DDI2: variants seen among roughly 807,000 people sequenced by gnomAD.
The protein encoded by DDI2 is protein DDI1 homolog 2.
A neutral mutation model predicts 48.1 loss-of-function variants in DDI2; 5 were observed. The ratio of observed to expected loss-of-function variants is 0.10; its 90% CI spans 0.05 to 0.22. The LOEUF (loss-of-function observed/expected upper bound fraction) is 0.22, where lower values mean the gene tolerates loss of function less well. Ranked by LOEUF, DDI2 falls within the 10% of genes least tolerant of loss-of-function variation. The pLI is 1.00. For synonymous variants in DDI2, 205 were observed against 183.6 expected (o/e 1.12, Z -0.94); for missense variants, 285 against 506.2 (o/e 0.56, Z 4.19).
At chr1:15,650,238 G>A (rs1238739519) in intron 7 of DDI2, among the ~76,000 whole-genome samples, 1 of 152,202 alleles carries the variant, frequency 6.6e-6, no homozygotes, top group Admixed American at 6.5e-5. Context: ...TATGTTGGGA[G>A]TGAAAGTGTT....
chr1:15,656,034 T>TA (rs1176641834), intron 8 of DDI2, among the ~76,000 whole-genome samples: 1 of 152,200 alleles, frequency 6.6e-6, no homozygotes, highest in African/African-American at 2.4e-5. Flanking sequence ...AGGGATGGTG[T>TA]CTCACTATGT....
chr1:15,669,032 T>G lies in DDI2; in HGVS notation c.*9242T>G, dbSNP rs1486959640. The G allele has an allele frequency of 2.0e-5, 3 of 152,220 alleles. No individual in the cohort carries two copies. Among genetic ancestry groups the G allele is most frequent in the Non-Finnish European group, 4.4e-5 (3 of 68,036 alleles). 9.4% of individuals were successfully genotyped at this position (152,220 alleles called of 1,614,324 possible). A position where few individuals can be genotyped will look rare whatever the true frequency, so the allele number is the denominator to read the frequency against. ...CATTTGATATTTAAGACAATAAAGT[T>G]TTTATCATAAGACTTCTGTTTGATC... On this transcript the variant is annotated 3_prime_UTR_variant, in exon 10 of 10. Transcript: ENST00000480945.
In DDI2 at chr1:15,622,585, G is replaced by T. The variant is rs1218330993; in HGVS notation, c.139-4084G>T. Among the ~76,000 whole-genome samples the T allele has an allele frequency of 2.0e-5, 3 of 152,186 alleles. No homozygotes were observed. The South Asian group carries it at 6.2e-4, about 32-fold the overall frequency. ...TTTCTTGTTGTATGTTCTTATAACT[G>T]GCAAAACTTGAATTTTGGGCTTTGT... On this transcript the variant is annotated intron_variant, in intron 1 of 9. Transcript: ENST00000480945.
At chr1:15,652,932 G>A (rs1434662340) in intron 8 of DDI2, among the ~76,000 whole-genome samples, 2 of 152,164 alleles carry the variant, frequency 1.3e-5, no homozygotes, top group African/African-American at 4.8e-5. Flanking sequence ...TTGAACTTGG[G>A]AGGCGGAGGT....
At chr1:15,635,456 A>G (rs1639913217) in intron 4 of DDI2, among the ~76,000 whole-genome samples, 1 of 152,172 alleles carries the variant, frequency 6.6e-6, no homozygotes, top group South Asian at 2.1e-4. Context: ...CCCAGGCCTG[A>G]GTTCAGTGGC....
intron 3 of DDI2, among the ~76,000 whole-genome samples, chr1:15,631,092 C>T (rs1372797042): frequency 6.6e-6 from 1 of 152,180 alleles, no homozygotes; most frequent in Non-Finnish European, 1.5e-5. Flanking sequence ...ATCCGCCTGC[C>T]TCGGCCTCCC....
rs533338863 is a variant in DDI2, at chr1:15,640,877, G to C, written c.760+2443G>C. Among the ~76,000 whole-genome samples, 11 of 152,268 alleles carry C rather than the reference G, an allele frequency of 7.2e-5. No individual in the cohort carries two copies. In the East Asian group the frequency reaches 1.9e-3, roughly 27 times the overall value. On this transcript the variant is annotated intron_variant, in intron 5 of 9. Coordinates refer to ENST00000480945, the MANE Select transcript of DDI2 (RefSeq NM_032341.5). ...GTGAGAGGCGAGGTCATTGCAAAAG[G>C]GCAGTCAGTTAGGGAGGAAGTGGGT...
rs1557626832 is a variant in DDI2 at position 15,662,012 on chromosome 1, A to G, written c.*2222A>G. On this transcript the variant is annotated 3_prime_UTR_variant, in exon 10 of 10. Coordinates refer to ENST00000480945, the MANE Select transcript of DDI2 (RefSeq NM_032341.5). ...TCATTAAGATGTATCCTGGAATAAA[A>G]TGGATGGTTTTGTGTGTAGCATACT... is the stretch of plus-strand genomic sequence containing the variant. 3.6e-6 allele frequency: 1 copy of G among 275,888 alleles called. No homozygotes were observed. The highest frequency in any genetic ancestry group is 6.8e-6 in the Non-Finnish European group (1 of 147,290). The allele number at this position is 275,888 out of a possible 1,614,324, so 17.1% of individuals were successfully genotyped here.
chr1:15,661,888 T>C lies in DDI2; in HGVS notation c.*2098T>C. ...TAAAGATTTTTTTCGGCCAAAGTAA[T>C]TTATGATCTTTTGTCTGATGAATTT... is the stretch of plus-strand genomic sequence containing the variant. On this transcript the variant is annotated 3_prime_UTR_variant, in exon 10 of 10. Transcript: ENST00000480945. 1.8e-5 allele frequency: 18 copies of C among 976,916 alleles called. No homozygotes were observed. The highest frequency in any genetic ancestry group is 2.5e-5 in the Non-Finnish European group (18 of 714,832). 60.5% of individuals were successfully genotyped at this position (976,916 alleles called of 1,614,324 possible).
At chr1:15,654,927 T>C (rs1196224633) in intron 8 of DDI2, among the ~76,000 whole-genome samples, 1 of 148,656 alleles carries the variant, frequency 6.7e-6, no homozygotes, top group African/African-American at 2.5e-5. Context: ...ATTATCATTT[T>C]ATGAAATGTC....
chr1:15,659,629 T>C (rs943277112), intron 9 of DDI2, among the ~76,000 whole-genome samples: 1 of 152,240 alleles, frequency 6.6e-6, no homozygotes, highest in Non-Finnish European at 1.5e-5. Flanking sequence ...GCAGATTTTA[T>C]TAAGAACATG....
chr1:15,661,316 A>T lies in DDI2; in HGVS notation c.*1526A>T. On this transcript the variant is annotated 3_prime_UTR_variant, in exon 10 of 10. Transcript: ENST00000480945. ...GTAACCTCAGCTAAAACATCCAATC[A>T]GTTACACTGCACCTTAGGTGTAGAA... The T allele has an allele frequency of 2.5e-6, 4 of 1,614,056 alleles. No individual in the cohort carries two copies. Among genetic ancestry groups the T allele is most frequent in the Non-Finnish European group, 3.4e-6 (4 of 1,179,966 alleles).
At chr1:15,623,335 C>T (rs11587623) in intron 1 of DDI2, among the ~76,000 whole-genome samples, 59 of 151,224 alleles carry the variant, frequency 3.9e-4, no homozygotes, top group African/African-American at 1.1e-3. Context: ...ATATGATACT[C>T]CTGGAGTAAT....
At position 15,656,435 on chromosome 1, in the gene DDI2, T is replaced by C; in HGVS notation, c.1184-182T>C. ...GAAATTAACAGATTGCTGTGTGTAT[T>C]GTGAGAGAATGGAAGCAACCAACAA... On this transcript the variant is annotated intron_variant, in intron 8 of 9. Coordinates refer to ENST00000480945, the MANE Select transcript of DDI2 (RefSeq NM_032341.5). The C allele has an allele frequency of 2.7e-6, 4 of 1,472,880 alleles. No individual in the cohort carries two copies. In the East Asian group the frequency reaches 9.9e-5, roughly 36 times the overall value. The allele number at this position is 1,472,880 out of a possible 1,614,324, so 91.2% of individuals were successfully genotyped here. A position where few individuals can be genotyped will look rare whatever the true frequency, so the allele number is the denominator to read the frequency against.
At chr1:15,641,959 A>AGG (rs1640017304) in intron 5 of DDI2, among the ~76,000 whole-genome samples, 1 of 76,780 alleles carries the variant, frequency 1.3e-5, no homozygotes, top group African/African-American at 6.2e-5. Context: ...CAGTCTCAAA[A>AGG]AAAAAAAAAA....
rs1355580888 is a variant in DDI2, at chr1:15,667,708, C to G, written c.*7918C>G. ...ATTTTTTAACCTGTTATTTTAAATG[C>G]CACATATATGTTGTAATGCTGAAGC... On this transcript the variant is annotated 3_prime_UTR_variant, in exon 10 of 10. Transcript: ENST00000480945. 6.6e-6 allele frequency: 1 copy of G among 152,152 alleles called. No individual in the cohort carries two copies. The highest frequency in any genetic ancestry group is 1.5e-5 in the Non-Finnish European group (1 of 68,040). The allele number at this position is 152,152 out of a possible 1,614,324, so 9.4% of individuals were successfully genotyped here.
chr1:15,651,629 G>C, intron 7 of DDI2, 77 bp from the exon 8 acceptor site: 1 of 1,392,350 alleles, frequency 7.2e-7, no homozygotes, highest in East Asian at 2.4e-5. Context: ...ATTTGTGATT[G>C]GAGTTTTAAA....
intron 5 of DDI2, among the ~76,000 whole-genome samples, chr1:15,641,472 CAA>C: frequency 7.6e-6 from 1 of 131,924 alleles, no homozygotes; most frequent in South Asian, 2.4e-4. Flanking sequence ...ACTGTGTTTC[CAA>C]AAAAAAAAAA....
At chr1:15,629,726 A>ATTTTTTTTTTTTTTT (rs113510565) in intron 2 of DDI2, among the ~76,000 whole-genome samples, 1 of 142,422 alleles carries the variant, frequency 7.0e-6, no homozygotes. Flanking sequence ...ACTAGCTTTA[A>ATTTTTTTTTTTTTTT]TTTTTTTTTT....
Sources: gnomAD v4.1 joint callset for allele counts (sites outside exome capture counted in the v4.1 genomes callset) on GRCh38, gnomAD v4.1.1 for gene constraint, MANE v1.5 for transcripts, NCBI Gene and HGNC (gene_info 2026-07-23, HGNC 2026-07-21) for gene names.